ZNRF2: variants seen among roughly 807,000 people sequenced by gnomAD.
ZNRF2 encodes E3 ubiquitin-protein ligase ZNRF2.
A neutral mutation model predicts 20.4 loss-of-function variants in ZNRF2; 16 were observed. The ratio of observed to expected loss-of-function variants is 0.79; its 90% CI spans 0.53 to 1.19. The LOEUF (loss-of-function observed/expected upper bound fraction) is 1.19, where lower values mean the gene tolerates loss of function less well. Ranked by LOEUF, ZNRF2 falls within the 50% of genes most tolerant of loss-of-function variation. The probability of loss-of-function intolerance (pLI) is 0.00; values close to 1 mark genes in which losing one functional copy is unlikely to be tolerated. For synonymous variants in ZNRF2, 178 were observed against 144.9 expected (o/e 1.23, Z -1.64); for missense variants, 363 against 332.4 (o/e 1.09, Z -0.72).
At chr7:30,352,407 T>A (rs1225743785) in intron 2 of ZNRF2, among the ~76,000 whole-genome samples, 1 of 152,052 alleles carries the variant, frequency 6.6e-6, no homozygotes, top group Middle Eastern at 3.2e-3. Context: ...AAAATCGTAA[T>A]CATTGCTCTT....
At position 30,285,003 on chromosome 7, in the gene ZNRF2, G is replaced by C. The variant is rs1798745772; in HGVS notation, c.-355G>C. The stretch of plus-strand genomic sequence containing the variant: ...CGGGGGCGCCGAGCGCGGCAGCAGA[G>C]AGCGGTAGCGGCCCGTCGTGGCGCA... On this transcript the variant is annotated 5_prime_UTR_variant, in exon 1 of 5. Transcript: ENST00000323037. 1 of 390,188 alleles carries C rather than the reference G, an allele frequency of 2.6e-6. No individual in the cohort carries two copies. Among genetic ancestry groups the C allele is most frequent in the Admixed American group, 3.1e-5 (1 of 32,762 alleles). 24.2% of individuals were successfully genotyped at this position (390,188 alleles called of 1,614,324 possible). A position where few individuals can be genotyped will look rare whatever the true frequency, so the allele number is the denominator to read the frequency against.
chr7:30,286,500 C>T (rs1486879558), intron 1 of ZNRF2, among the ~76,000 whole-genome samples: 13 of 152,186 alleles, frequency 8.5e-5, no homozygotes, highest in Non-Finnish European at 1.5e-5. Flanking sequence ...TTTTGCACAT[C>T]TGTCTTCAAG....
At chr7:30,346,320 A>G (rs1359459622) in intron 2 of ZNRF2, among the ~76,000 whole-genome samples, 1 of 151,258 alleles carries the variant, frequency 6.6e-6, no homozygotes, top group East Asian at 1.9e-4. Flanking sequence ...CAGCCTCCTG[A>G]GTAGCTAGGA....
At chr7:30,337,393 A>G (rs755985095) in intron 2 of ZNRF2, among the ~76,000 whole-genome samples, 1 of 152,214 alleles carries the variant, frequency 6.6e-6, no homozygotes, top group African/African-American at 2.4e-5. Flanking sequence ...TCCTTAATCA[A>G]AATCACAGAA....
At chr7:30,343,231 C>G (rs1799824078) in intron 2 of ZNRF2, among the ~76,000 whole-genome samples, 1 of 152,076 alleles carries the variant, frequency 6.6e-6, no homozygotes, top group Admixed American at 6.5e-5. Context: ...GGGAGGATCA[C>G]TTGAGCCCAG....
intron 1 of ZNRF2, among the ~76,000 whole-genome samples, chr7:30,292,665 C>T (rs1798932342): frequency 6.6e-6 from 1 of 151,928 alleles, no homozygotes; most frequent in Non-Finnish European, 1.5e-5. Context: ...ACAATTCAAG[C>T]AGAAAGTGAA....
intron 2 of ZNRF2, among the ~76,000 whole-genome samples, chr7:30,353,500 C>T (rs1229623401): frequency 6.6e-6 from 1 of 152,000 alleles, no homozygotes; most frequent in Admixed American, 6.6e-5. Context: ...AAACTTAGTA[C>T]CTGCAAAGCA....
intron 3 of ZNRF2, among the ~76,000 whole-genome samples, chr7:30,361,814 C>G (rs1407871582): frequency 6.6e-6 from 1 of 151,968 alleles, no homozygotes; most frequent in Non-Finnish European, 1.5e-5. Context: ...ATCATATGCA[C>G]CCTAATATTT....
intron 1 of ZNRF2, among the ~76,000 whole-genome samples, chr7:30,314,755 T>G (rs1427372761): frequency 6.6e-6 from 1 of 151,804 alleles, no homozygotes; most frequent in Non-Finnish European, 1.5e-5. Context: ...ACTTTATCGC[T>G]CTGGGTTTCT....
chr7:30,284,830 C>G lies in ZNRF2; in HGVS notation c.-528C>G, dbSNP rs1003821477. 1.0e-5 allele frequency: 2 copies of G among 194,654 alleles called. No individual in the cohort carries two copies. Among genetic ancestry groups the G allele is most frequent in the African/African-American group, 4.8e-5 (2 of 41,608 alleles). The allele number at this position is 194,654 out of a possible 1,614,324, so 12.1% of individuals were successfully genotyped here. A position where few individuals can be genotyped will look rare whatever the true frequency, so the allele number is the denominator to read the frequency against. On this transcript the variant is annotated 5_prime_UTR_variant, in exon 1 of 5. Coordinates refer to ENST00000323037, the MANE Select transcript of ZNRF2 (RefSeq NM_147128.4). ...GCGCCACCCGTTTTTCCTCTTTCTC[C>G]GTTAATAACAGCTGGGTGGCTGGGG...
chr7:30,325,311 A>AT (rs1799535312), intron 2 of ZNRF2, among the ~76,000 whole-genome samples: 1 of 152,226 alleles, frequency 6.6e-6, no homozygotes, highest in Admixed American at 6.5e-5. Context: ...AGTAAACACT[A>AT]TAGCCAATTG....
chr7:30,343,368 G>A (rs1309926089), intron 2 of ZNRF2, among the ~76,000 whole-genome samples: 1 of 152,044 alleles, frequency 6.6e-6, no homozygotes, highest in Non-Finnish European at 1.5e-5. Flanking sequence ...CATCCTAGAT[G>A]ACAGAGACCC....
At chr7:30,341,103 T>G (rs1005256791) in intron 2 of ZNRF2, among the ~76,000 whole-genome samples, 10 of 152,334 alleles carry the variant, frequency 6.6e-5, no homozygotes, top group Non-Finnish European at 1.2e-4. Context: ...TTGTCATTTT[T>G]TATTGTGTCA....
At chr7:30,341,872 T>C (rs1799800312) in intron 2 of ZNRF2, among the ~76,000 whole-genome samples, 2 of 152,166 alleles carry the variant, frequency 1.3e-5, no homozygotes, top group South Asian at 2.1e-4. Context: ...TGTAGGTCTC[T>C]AAGAACTTAC....
At chr7:30,308,453 G>A (rs1010719406) in intron 1 of ZNRF2, among the ~76,000 whole-genome samples, 1 of 152,166 alleles carries the variant, frequency 6.6e-6, no homozygotes, top group Non-Finnish European at 1.5e-5. Flanking sequence ...AGCACCATTG[G>A]TGGTGTCATC....
chr7:30,356,195 G>T (rs1800035528), intron 3 of ZNRF2, among the ~76,000 whole-genome samples: 1 of 151,964 alleles, frequency 6.6e-6, no homozygotes, highest in Non-Finnish European at 1.5e-5. Context: ...TGAGATTCCA[G>T]TAGATTTGGA....
intron 1 of ZNRF2, among the ~76,000 whole-genome samples, chr7:30,294,993 CAGAG>C (rs151019640): frequency 3.3e-4 from 17 of 51,542 alleles, no homozygotes; most frequent in Admixed American, 1.3e-3. Flanking sequence ...GGGAGGGGGA[CAGAG>C]AGAGAGAGGG....
intron 2 of ZNRF2, among the ~76,000 whole-genome samples, chr7:30,350,303 A>G (rs1799943552): frequency 1.3e-5 from 2 of 152,108 alleles, no homozygotes; most frequent in African/African-American, 4.8e-5. Flanking sequence ...CATCATCAAA[A>G]GAGTAACAAA....
chr7:30,287,766 C>G (rs28684489), intron 1 of ZNRF2, among the ~76,000 whole-genome samples: 9,312 of 124,384 alleles, frequency 0.075, 293 homozygotes, highest in African/African-American at 0.14. Context: ...TTTCTGGAGA[C>G]AATTGTGCCG....
Sources: gnomAD v4.1 joint callset for allele counts (sites outside exome capture counted in the v4.1 genomes callset) on GRCh38, gnomAD v4.1.1 for gene constraint, MANE v1.5 for transcripts, NCBI Gene and HGNC (gene_info 2026-07-23, HGNC 2026-07-21) for gene names.